The following YEATS4 variants were observed in gnomAD, a reference collection of about 807,000 sequenced individuals.
YEATS4 encodes the protein YEATS domain containing 4.
A neutral mutation model predicts 30.1 loss-of-function variants in YEATS4; 17 were observed. The observed-to-expected ratio is 0.56, with a 90% confidence interval of 0.39 to 0.85. YEATS4 has a LOEUF of 0.85. Among genes scored for constraint, YEATS4 ranks in the 40% least tolerant of loss-of-function variants. YEATS4 has a pLI of 0.00. For synonymous variants in YEATS4, 85 were observed against 87.5 expected, an observed-to-expected ratio of 0.97 and a Z score of 0.16; for missense variants, 142 against 268.3, an observed-to-expected ratio of 0.53 and a Z score of 3.29.
At chr12:69,402,725 C>CTTTTTTT in the YEATS4 span, among the ~76,000 whole-genome samples, 3 of 113,082 alleles carry the variant, frequency 2.7e-5, no homozygotes, top group Non-Finnish European at 5.5e-5. Context: ...TCTTTCTTTT[C>CTTTTTTT]TTTTTTTTTT....
the YEATS4 span, among the ~76,000 whole-genome samples, chr12:69,405,580 G>A: frequency 6.6e-6 from 1 of 152,032 alleles, no homozygotes; most frequent in South Asian, 2.1e-4. Context: ...GTAAAATAAG[G>A]GTTACTTTGA....
the YEATS4 span, among the ~76,000 whole-genome samples, chr12:69,407,139 T>G: frequency 6.8e-6 from 1 of 147,726 alleles, no homozygotes; most frequent in Non-Finnish European, 1.5e-5. Flanking sequence ...ATTTATACAT[T>G]CTTTTTTTTT....
the YEATS4 span, among the ~76,000 whole-genome samples, chr12:69,399,503 T>C: frequency 6.6e-6 from 1 of 152,244 alleles, no homozygotes; most frequent in East Asian, 1.9e-4. Flanking sequence ...TAAGTGTTGA[T>C]GAGGATGTGG....
intron 6 of YEATS4, among the ~76,000 whole-genome samples, chr12:69,373,431 A>ATGTC (rs1156509773): frequency 1.3e-5 from 2 of 152,158 alleles, no homozygotes; most frequent in Non-Finnish European, 2.9e-5. Flanking sequence ...TGCCATTTGT[A>ATGTC]TGTCATCTTT....
chr12:69,389,389 G>T (rs946531926), intron 6 of YEATS4, among the ~76,000 whole-genome samples: 2 of 149,706 alleles, frequency 1.3e-5, no homozygotes, highest in Non-Finnish European at 3.0e-5. Flanking sequence ...GGCATAGGTT[G>T]CAGTGAGCTG....
At chr12:69,407,986 G>C in the YEATS4 span, among the ~76,000 whole-genome samples, 1 of 152,172 alleles carries the variant, frequency 6.6e-6, no homozygotes, top group Non-Finnish European at 1.5e-5. Flanking sequence ...AAAGTGTTGG[G>C]ATTACAGGCG....
At chr12:69,366,142 A>G (rs1441358900) in intron 4 of YEATS4, among the ~76,000 whole-genome samples, 2 of 152,174 alleles carry the variant, frequency 1.3e-5, no homozygotes, top group African/African-American at 4.8e-5. Flanking sequence ...ACTGCAGCAA[A>G]AAAACTTAAA....
intron 6 of YEATS4, among the ~76,000 whole-genome samples, chr12:69,382,235 A>G (rs1309740111): frequency 2.0e-5 from 3 of 152,182 alleles, no homozygotes; most frequent in Non-Finnish European, 4.4e-5. Flanking sequence ...CAAATAACAG[A>G]CTGTCTTAAA....
the YEATS4 span, among the ~76,000 whole-genome samples, chr12:69,399,905 T>C: frequency 2.0e-5 from 3 of 152,172 alleles, no homozygotes; most frequent in African/African-American, 7.2e-5. Flanking sequence ...ACTCCACTTA[T>C]ATGAAACATC....
chr12:69,379,583 A>ATTTTTTTTTTTT (rs61048163), intron 6 of YEATS4, among the ~76,000 whole-genome samples: 8 of 72,272 alleles, frequency 1.1e-4, no homozygotes, highest in Admixed American at 1.9e-4. Context: ...TGCCCAGCTA[A>ATTTTTTTTTTTT]TTTTTTTTTT....
intron 6 of YEATS4, among the ~76,000 whole-genome samples, chr12:69,377,499 G>A (rs1280792128): frequency 2.6e-5 from 4 of 152,110 alleles, no homozygotes; most frequent in African/African-American, 9.6e-5. Flanking sequence ...GTCCTCAAGC[G>A]ATCCTCCCAC....
chr12:69,425,606 G>A, the YEATS4 span, among the ~76,000 whole-genome samples: 1 of 152,188 alleles, frequency 6.6e-6, no homozygotes. Context: ...CCGACTTCCA[G>A]ATGCAGAGAT....
intron 6 of YEATS4, among the ~76,000 whole-genome samples, chr12:69,388,668 A>G (rs986066808): frequency 6.6e-6 from 1 of 152,232 alleles, no homozygotes; most frequent in Non-Finnish European, 1.5e-5. Context: ...TTGCAGTAAC[A>G]TTTCTTTAGT....
the YEATS4 span, among the ~76,000 whole-genome samples, chr12:69,408,488 G>A: frequency 7.9e-5 from 12 of 152,122 alleles, no homozygotes; most frequent in East Asian, 9.6e-4. Context: ...ATGTGCGTGC[G>A]TGTGTGTGTG....
chr12:69,404,171 C>T, the YEATS4 span, among the ~76,000 whole-genome samples: 1 of 152,170 alleles, frequency 6.6e-6, no homozygotes, highest in Non-Finnish European at 1.5e-5. Context: ...TCTGTTACCT[C>T]CTAAATGATA....
chr12:69,371,801 A>G (rs564880869), intron 6 of YEATS4, among the ~76,000 whole-genome samples: 2 of 152,318 alleles, frequency 1.3e-5, no homozygotes, highest in African/African-American at 2.4e-5. Context: ...TATAGAGACA[A>G]ACAAAGTGGG....
rs766741851 is a variant in YEATS4 at position 69,362,764 on chromosome 12, A to AT, written c.52-20dup. The AT allele has an allele frequency of 7.0e-6, 11 of 1,560,670 alleles. No individual in the cohort carries two copies. In the East Asian group the frequency reaches 1.9e-4, roughly 27 times the overall value. On this transcript the variant is annotated intron_variant, in intron 1 of 6. Coordinates refer to ENST00000247843, the MANE Select transcript of YEATS4 (RefSeq NM_006530.4). ...TTAGCTAATGGTACAATATTCATTTATTTTAAAATTATTTTTCTTTTAGGG... is the reference window on the plus strand; with the variant it reads ...TTAGCTAATGGTACAATATTCATTTATTTTTAAAATTATTTTTCTTTTAGGG...
intron 6 of YEATS4, among the ~76,000 whole-genome samples, chr12:69,382,853 G>C (rs1876130964): frequency 6.6e-6 from 1 of 152,158 alleles, no homozygotes; most frequent in Non-Finnish European, 1.5e-5. Context: ...AGGTATTGGA[G>C]AAAGAAAAGC....
Position 69,359,765 on chromosome 12 carries a change from C to T in YEATS4, c.-208C>T, listed in dbSNP as rs1019280638. On this transcript the variant is annotated 5_prime_UTR_variant, in exon 1 of 7. Coordinates refer to ENST00000247843, the MANE Select transcript of YEATS4 (RefSeq NM_006530.4). The stretch of plus-strand genomic sequence containing the variant: ...CCCCTCTTTTCGCGGCGTTCTCCAC[C>T]TGCGCGGGCCTGAATGGCCTTCAGG... The T allele has an allele frequency of 3.4e-6, 2 of 583,430 alleles. No homozygotes were observed. The highest frequency in any genetic ancestry group is 5.9e-6 in the Non-Finnish European group (2 of 340,300). 36.1% of individuals were successfully genotyped at this position (583,430 alleles called of 1,614,324 possible). A position where few individuals can be genotyped will look rare whatever the true frequency, so the allele number is the denominator to read the frequency against.
Sources: allele counts gnomAD v4.1 joint callset (sites outside exome capture counted in the v4.1 genomes callset), GRCh38; gene constraint gnomAD v4.1.1; transcripts MANE v1.5; gene names NCBI Gene and HGNC (gene_info 2026-07-23, HGNC 2026-07-21).